The following WDPCP variants were observed in gnomAD, a reference collection of about 807,000 sequenced individuals.
The protein encoded by WDPCP is WD repeat containing planar cell polarity effector.
Under a neutral mutation model 93.1 loss-of-function variants are expected in WDPCP, and 71 were observed. The ratio of observed to expected loss-of-function variants is 0.76; its 90% CI spans 0.63 to 0.93. The LOEUF (loss-of-function observed/expected upper bound fraction) is 0.93. Among genes scored for constraint, WDPCP ranks in the 40% least tolerant of loss-of-function variants. WDPCP has a pLI of 0.00. For missense variants in WDPCP, 844 were observed against 887.4 expected, an observed-to-expected ratio of 0.95 and a Z score of 0.62; for synonymous variants, 315 against 315.0, an observed-to-expected ratio of 1.00 and a Z score of 0.00.
chr2:63,316,627 T>G (rs1686662883), intron 12 of WDPCP, among the ~76,000 whole-genome samples: 1 of 151,916 alleles, frequency 6.6e-6, no homozygotes, highest in Admixed American at 6.6e-5. Context: ...CATTCCAGCC[T>G]GGGCAAGAGA....
chr2:63,348,189 G>A (rs1689329384), intron 12 of WDPCP, among the ~76,000 whole-genome samples: 1 of 152,086 alleles, frequency 6.6e-6, no homozygotes, highest in South Asian at 2.1e-4. Flanking sequence ...TATAAAGATG[G>A]AAATAATAGT....
At chr2:63,355,792 G>T (rs896104620) in intron 12 of WDPCP, among the ~76,000 whole-genome samples, 2 of 152,186 alleles carry the variant, frequency 1.3e-5, no homozygotes, top group Non-Finnish European at 2.9e-5. Flanking sequence ...GGAGGCTGAG[G>T]CAGGAGAATT....
At chr2:63,808,318 T>C in intron 2 of WDPCP, among the ~76,000 whole-genome samples, 1 of 93,494 alleles carries the variant, frequency 1.1e-5, no homozygotes, top group Admixed American at 1.0e-4. Flanking sequence ...CCCCTCTCCC[T>C]CTCCCCTCTC....
intron 1 of WDPCP, among the ~76,000 whole-genome samples, chr2:63,544,806 A>G (rs1032508167): frequency 4.6e-5 from 7 of 152,202 alleles, no homozygotes; most frequent in Non-Finnish European, 1.5e-5. Context: ...AGTGTTGAGC[A>G]ATAACTTTTT....
chr2:63,688,523 G>GTGGGGATGATTAAAGGGTGCAAA (rs58986536), intron 2 of WDPCP, among the ~76,000 whole-genome samples: 62,322 of 151,690 alleles, frequency 0.41, 14,048 homozygotes, highest in African/African-American at 0.6. Context: ...GTTGGGGAGA[G>GTGGGGATGATTAAAGGGTGCAAA]AAATAGTTAG....
intron 4 of WDPCP, among the ~76,000 whole-genome samples, chr2:63,485,706 A>G (rs1488594919): frequency 1.3e-5 from 2 of 151,868 alleles, no homozygotes; most frequent in Non-Finnish European, 2.9e-5. Flanking sequence ...ATAATTTAAA[A>G]ATGTTAAACA....
intron 14 of WDPCP, among the ~76,000 whole-genome samples, chr2:63,206,163 G>C (rs1676320790): frequency 6.6e-6 from 1 of 152,026 alleles, no homozygotes; most frequent in Non-Finnish European, 1.5e-5. Context: ...TTTCCTCCCA[G>C]GAATAAATTT....
At chr2:63,428,185 CAAA>C (rs34685763) in intron 9 of WDPCP, among the ~76,000 whole-genome samples, 4 of 139,774 alleles carry the variant, frequency 2.9e-5, no homozygotes, top group Admixed American at 7.1e-5. Context: ...GAAACTATTC[CAAA>C]AAAAAAAAAA....
intron 15 of WDPCP, among the ~76,000 whole-genome samples, chr2:63,163,757 G>C (rs1331589174): frequency 6.6e-6 from 1 of 151,916 alleles, no homozygotes; most frequent in Non-Finnish European, 1.5e-5. Context: ...TTTCTGGTAA[G>C]TCTACTGCCA....
chr2:63,257,152 A>G lies in WDPCP; in HGVS notation c.1915+2155T>C, dbSNP rs911312834. 3.3e-5 allele frequency among the ~76,000 whole-genome samples: 5 copies of G among 152,150 alleles called. No individual in the cohort carries two copies. In the East Asian group the frequency reaches 5.8e-4, roughly 18 times the overall value. ...CCTTTGGCGCCTCTTGCTTTTAACT[A>G]TGGTGGCAGTATTTATGTCTGATGC... On this transcript the variant is annotated intron_variant, in intron 14 of 17. Transcript: ENST00000272321.
intron 10 of WDPCP, among the ~76,000 whole-genome samples, chr2:63,391,371 A>G (rs1693231047): frequency 6.6e-6 from 1 of 152,192 alleles, no homozygotes; most frequent in African/African-American, 2.4e-5. Flanking sequence ...TCAATAAACT[A>G]GGTATTGATG....
At chr2:63,700,159 G>A (rs1446281905) in intron 2 of WDPCP, among the ~76,000 whole-genome samples, 5 of 151,748 alleles carry the variant, frequency 3.3e-5, no homozygotes, top group Non-Finnish European at 7.4e-5. Flanking sequence ...GTGCACACCT[G>A]TAGTCCCAGC....
chr2:63,239,772 G>T (rs868521307), intron 14 of WDPCP, among the ~76,000 whole-genome samples: 6 of 152,030 alleles, frequency 3.9e-5, no homozygotes, highest in Middle Eastern at 3.4e-3. Context: ...TATGCTTTTT[G>T]CTACACTTTT....
intron 14 of WDPCP, among the ~76,000 whole-genome samples, chr2:63,203,848 T>G (rs140494986): frequency 3.9e-5 from 6 of 152,362 alleles, no homozygotes; most frequent in African/African-American, 1.4e-4. Context: ...GCTTATTTCA[T>G]CCAGTTCCAT....
At chr2:63,413,234 TGATCTTCGACAAA>T (rs1387753232) in intron 9 of WDPCP, among the ~76,000 whole-genome samples, 4 of 152,174 alleles carry the variant, frequency 2.6e-5, no homozygotes, top group Admixed American at 6.5e-5. Flanking sequence ...TACAGCCAAC[TGATCTTCGACAAA>T]GCATACAAAA....
At chr2:63,676,133 T>C (rs565591346) in intron 2 of WDPCP, among the ~76,000 whole-genome samples, 1 of 152,284 alleles carries the variant, frequency 6.6e-6, no homozygotes, top group African/African-American at 2.4e-5. Context: ...GGACAAAATA[T>C]AAAATAAACA....
At chr2:63,521,453 G>C (rs1433186981) in intron 1 of WDPCP, among the ~76,000 whole-genome samples, 1 of 152,024 alleles carries the variant, frequency 6.6e-6, no homozygotes, top group Admixed American at 6.6e-5. Context: ...AATCAAAAAA[G>C]ACAAAGAAGG....
At chr2:63,443,553 G>A (rs934435997) in intron 6 of WDPCP, among the ~76,000 whole-genome samples, 2 of 152,246 alleles carry the variant, frequency 1.3e-5, no homozygotes, top group East Asian at 3.9e-4. Flanking sequence ...TATTCATAGA[G>A]GATGAAGTCA....
intron 12 of WDPCP, among the ~76,000 whole-genome samples, chr2:63,356,658 A>G (rs1413289272): frequency 6.6e-6 from 1 of 152,226 alleles, no homozygotes; most frequent in Admixed American, 6.5e-5. Flanking sequence ...ATTAAAAAAT[A>G]TGCTCCTGAA....
Sources: gnomAD v4.1 joint callset for allele counts (sites outside exome capture counted in the v4.1 genomes callset) on GRCh38, gnomAD v4.1.1 for gene constraint, MANE v1.5 for transcripts, NCBI Gene and HGNC (gene_info 2026-07-23, HGNC 2026-07-21) for gene names.